Variants in LARGE1 observed in about 807,000 individuals in gnomAD.
LARGE1 encodes xylosyl- and glucuronyltransferase LARGE1.
LARGE1 carries 43 observed loss-of-function variants against 87.6 expected under a neutral mutation model. That is an observed-to-expected ratio of 0.49 (90% CI 0.38 to 0.63). The LOEUF (loss-of-function observed/expected upper bound fraction) is 0.63. LARGE1 is among the 30% of genes least tolerant of loss of function. LARGE1 has a pLI of 0.00. For missense variants in LARGE1, 802 were observed against 1,000.2 expected, an observed-to-expected ratio of 0.80 and a Z score of 2.67; for synonymous variants, 434 against 394.6, an observed-to-expected ratio of 1.10 and a Z score of -1.18.
intron 4 of LARGE1, among the ~76,000 whole-genome samples, chr22:33,621,422 C>A (rs972302582): frequency 9.3e-5 from 13 of 140,158 alleles, no homozygotes; most frequent in Middle Eastern, 3.5e-3. Flanking sequence ...TGAAATATGT[C>A]ATCAAGCATA....
Sources: allele counts gnomAD v4.1 joint callset (sites outside exome capture counted in the v4.1 genomes callset), GRCh38; gene constraint gnomAD v4.1.1; transcripts MANE v1.5; gene names NCBI Gene and HGNC (gene_info 2026-07-23, HGNC 2026-07-21).